The following MMP2 variants were observed in gnomAD, a reference collection of about 807,000 sequenced individuals.
The protein encoded by MMP2 is 72 kDa type IV collagenase.
Under a neutral mutation model 74.8 loss-of-function variants are expected in MMP2, and 39 were observed. That is an observed-to-expected ratio of 0.52 (90% CI 0.40 to 0.68). The LOEUF is 0.68. Ranked by LOEUF, MMP2 falls within the 30% of genes least tolerant of loss-of-function variation. The pLI, the probability that MMP2 is intolerant of heterozygous loss-of-function variation, is 0.00. For synonymous variants in MMP2, 367 were observed against 339.8 expected (o/e 1.08, Z -0.88); for missense variants, 803 against 878.3 (o/e 0.91, Z 1.08).
chr16:55,496,840 T>G, intron 9 of MMP2, 86 bp from the exon 10 acceptor site: 1 of 1,562,618 alleles, frequency 6.4e-7, no homozygotes, highest in Non-Finnish European at 8.7e-7. Context: ...CTCTGGGATG[T>G]TTCTGGGTGG....
intron 12 of MMP2, among the ~76,000 whole-genome samples, chr16:55,503,714 C>T (rs1396322393): frequency 1.3e-5 from 2 of 152,204 alleles, no homozygotes; most frequent in African/African-American, 4.8e-5. Flanking sequence ...ACTCCAACAG[C>T]TCCATGTGTC....
chr16:55,480,936 G>A (rs1304101739), intron 1 of MMP2, among the ~76,000 whole-genome samples: 1 of 152,132 alleles, frequency 6.6e-6, no homozygotes, highest in Non-Finnish European at 1.5e-5. Context: ...GGTGAGAGTG[G>A]AGCTTTGGGA....
intron 12 of MMP2, among the ~76,000 whole-genome samples, chr16:55,503,143 C>T (rs1962712399): frequency 6.6e-6 from 1 of 152,100 alleles, no homozygotes; most frequent in Admixed American, 6.5e-5. Flanking sequence ...CAGGGGAGGG[C>T]GGAAGGCCTG....
chr16:55,481,376 T>C (rs1211391504), intron 1 of MMP2, among the ~76,000 whole-genome samples: 1 of 152,190 alleles, frequency 6.6e-6, no homozygotes, highest in Non-Finnish European at 1.5e-5. Flanking sequence ...TGCTAATACA[T>C]TATAATTAGC....
At position 55,505,694 on chromosome 16, in the gene MMP2, A is replaced by G; in HGVS notation, c.*252A>G. 2 of 568,066 alleles carry G rather than the reference A, an allele frequency of 3.5e-6. No individual in the cohort carries two copies. The highest frequency in any genetic ancestry group is 6.3e-6 in the Non-Finnish European group (2 of 316,582). 35.2% of individuals were successfully genotyped at this position (568,066 alleles called of 1,614,324 possible). Reference sequence around the variant, plus strand: ...CCCACCAACCCTCAGAGCCACCCCTAAAGAGATACTTTGATATTTTCAACG... The same window carrying G: ...CCCACCAACCCTCAGAGCCACCCCTGAAGAGATACTTTGATATTTTCAACG... On this transcript the variant is annotated 3_prime_UTR_variant, in exon 13 of 13. Transcript: ENST00000219070.
Position 55,479,659 on chromosome 16 carries a change from A to C in MMP2, c.153+27A>C, listed in dbSNP as rs368519719. The C allele has an allele frequency of 1.2e-5, 20 of 1,613,266 alleles. No homozygotes were observed. The African/African-American group carries it at 2.3e-4, about 18-fold the overall frequency. Reference sequence around the variant, plus strand: ...TGAGTTGCTGCGCTGGCCTCAAGGAACCACGTTTAGACAAACTTCGGAGGC... The same window carrying C: ...TGAGTTGCTGCGCTGGCCTCAAGGACCCACGTTTAGACAAACTTCGGAGGC... On this transcript the variant is annotated intron_variant, in intron 1 of 12. Transcript: ENST00000219070.
intron 8 of MMP2, 151 bp downstream of exon 8, chr16:55,492,107 T>C (rs1962424382): frequency 4.1e-6 from 3 of 730,550 alleles, no homozygotes; most frequent in African/African-American, 3.5e-5. Flanking sequence ...TGACCTGGTC[T>C]TGGGAAGGCA....
rs565094193 is a variant in MMP2, at chr16:55,490,520, A to G, written c.1180+696A>G. Among the ~76,000 whole-genome samples the G allele has an allele frequency of 1.2e-3, 190 of 152,250 alleles. 1 individual carries two copies. The highest frequency in any genetic ancestry group is 4.5e-3 in the African/African-American group (185 of 41,552). On this transcript the variant is annotated intron_variant, in intron 7 of 12. Coordinates refer to ENST00000219070, the MANE Select transcript of MMP2 (RefSeq NM_004530.6). ...TGTGACCTTACTATGTGCTCAGTGC[A>G]GTGAGCAGGGTGCTTGGGGCCCTGT...
At chr16:55,496,777 G>C in intron 9 of MMP2, 149 bp from the exon 10 acceptor site, 1 of 1,082,364 alleles carries the variant, frequency 9.2e-7, no homozygotes, top group Non-Finnish European at 1.4e-6. Context: ...CCGTTCTCCA[G>C]TCCTTCTCCA....
Position 55,485,607 on chromosome 16 carries a change from T to G in MMP2, c.662T>G (p.Val221Gly). 5 of 1,614,100 alleles carry G rather than the reference T, an allele frequency of 3.1e-6. No homozygotes were observed. Among genetic ancestry groups the G allele is most frequent in the Non-Finnish European group, 4.2e-6 (5 of 1,180,000 alleles). The change falls in exon 5 of 13, where the codon GTC becomes GGC. Residue 221 changes from valine (V) to glycine (G), a missense_variant. Around this residue, in one of 3 missense-constraint regions of MMP2, gnomAD observed 555 missense variants for 592.0 expected, o/e 0.94. Transcript: ENST00000219070. ...ELWTLGEGQV[V>G]RVKYGNADGE... ...CCCCTTCCATGTCACTCTTTAGTGG[T>G]CCGTGTGAAGTATGGGAACGCCGAT... is the stretch of plus-strand genomic sequence containing the variant.
At chr16:55,501,608 G>C (rs941228059) in intron 11 of MMP2, among the ~76,000 whole-genome samples, 1 of 152,204 alleles carries the variant, frequency 6.6e-6, no homozygotes, top group African/African-American at 2.4e-5. Context: ...TGAGTTTTAT[G>C]CTGCACCTGG....
chr16:55,499,064 G>A, intron 11 of MMP2, among the ~76,000 whole-genome samples: 1 of 151,752 alleles, frequency 6.6e-6, no homozygotes. Context: ...AGCTACTAGG[G>A]AGACTGAGGC....
chr16:55,483,866 G>T, intron 2 of MMP2, 150 bp from the exon 3 acceptor site: 7 of 799,648 alleles, frequency 8.8e-6, no homozygotes, highest in Non-Finnish European at 1.3e-5. Flanking sequence ...ACATACCTGT[G>T]CACCCTTCCC....
Position 55,485,631 on chromosome 16 carries a change from A to C in MMP2, c.686A>C (p.Asp229Ala), listed in dbSNP as rs1420519474. The C allele has an allele frequency of 1.2e-6, 2 of 1,614,122 alleles. No homozygotes were observed. Among genetic ancestry groups the C allele is most frequent in the Non-Finnish European group, 8.5e-7 (1 of 1,180,010 alleles). Reference sequence around the variant, plus strand: ...GTCCGTGTGAAGTATGGGAACGCCGATGGGGAGTACTGCAAGTTCCCCTTC... The same window carrying C: ...GTCCGTGTGAAGTATGGGAACGCCGCTGGGGAGTACTGCAAGTTCCCCTTC... ...QVVRVKYGNA[D>A]GEYCKFPFLF... The change falls in exon 5 of 13, where the codon GAT (aspartate) becomes GCT (alanine). Residue 229 changes from aspartate (D) to alanine (A), a missense_variant. Physicochemically the swap from Asp to Ala is moderately radical, Grantham distance 126 (BLOSUM62 -2). Transcript: ENST00000219070.
Position 55,484,038 on chromosome 16 carries a change from C to A in MMP2, c.403C>A (p.Leu135Met). Residue 135 changes from leucine to methionine, a missense_variant, in exon 3 of 13, where the codon CTG (leucine) becomes ATG (methionine). Physicochemically the swap from Leu to Met is conservative, Grantham distance 15 (BLOSUM62 2). Coordinates refer to ENST00000219070, the MANE Select transcript of MMP2 (RefSeq NM_004530.6). Reference sequence around the variant, plus strand: ...CAGGATCATTGGCTACACACCTGATCTGGACCCAGAGACAGTGGATGATGC... The same window carrying A: ...CAGGATCATTGGCTACACACCTGATATGGACCCAGAGACAGTGGATGATGC... The part of the protein sequence containing the change: ...TYRIIGYTPD[L>M]DPETVDDAFA... The A allele has an allele frequency of 1.2e-6, 2 of 1,614,224 alleles. No homozygotes were observed. Among genetic ancestry groups the A allele is most frequent in the Non-Finnish European group, 1.7e-6 (2 of 1,180,030 alleles).
intron 11 of MMP2, among the ~76,000 whole-genome samples, chr16:55,499,362 G>A (rs1962610362): frequency 6.6e-6 from 1 of 152,012 alleles, no homozygotes; most frequent in Non-Finnish European, 1.5e-5. Flanking sequence ...GAAGGCAGTG[G>A]ACAAAATATG....
Position 55,483,010 on chromosome 16 carries a change from G to A in MMP2, c.255G>A (p.Gln85=). 1 of 1,614,226 alleles carries A rather than the reference G, an allele frequency of 6.2e-7. No homozygotes were observed. The highest frequency in any genetic ancestry group is 8.5e-7 in the Non-Finnish European group (1 of 1,180,034). ...KKMQKFFGLP[Q]TGDLDQNTIE... The stretch of plus-strand genomic sequence containing the variant: ...TGCAGAAGTTCTTTGGACTGCCCCA[G>A]ACAGGTGATCTTGACCAGAATACCA... The change falls in exon 2 of 13, where the codon CAG becomes CAA. Residue 85 remains glutamine (Q), a synonymous_variant. Coordinates refer to ENST00000219070, the MANE Select transcript of MMP2 (RefSeq NM_004530.6).
At chr16:55,483,830 G>A (rs562632822) in intron 2 of MMP2, among the ~76,000 whole-genome samples, 186 bp from the exon 3 acceptor site, 3 of 152,236 alleles carry the variant, frequency 2.0e-5, no homozygotes, top group Non-Finnish European at 2.9e-5. Context: ...ACACATACAC[G>A]CAGGCACATG....
intron 12 of MMP2, among the ~76,000 whole-genome samples, chr16:55,504,904 G>A (rs956780260): frequency 3.3e-5 from 5 of 151,916 alleles, no homozygotes; most frequent in Non-Finnish European, 7.4e-5. Flanking sequence ...TGCCCGTCTC[G>A]GCCTCCCAAA....
Sources: gnomAD v4.1 joint callset for allele counts (sites outside exome capture counted in the v4.1 genomes callset) on GRCh38, gnomAD v4.1.1 for gene constraint, gnomAD v4.1.1 regional missense constraint, MANE v1.5 for transcripts, NCBI Gene and HGNC (gene_info 2026-07-23, HGNC 2026-07-21) for gene names.